IL23R: variants seen among roughly 807,000 people sequenced by gnomAD.
IL23R encodes the protein interleukin 23 receptor.
IL23R carries 34 observed loss-of-function variants against 56.9 expected under a neutral mutation model. The observed-to-expected ratio is 0.60, with a 90% CI of 0.45 to 0.80. The LOEUF (loss-of-function observed/expected upper bound fraction) is 0.80, where lower values mean the gene tolerates loss of function less well. Ranked by LOEUF, IL23R falls within the 30% of genes least tolerant of loss-of-function variation. The probability of loss-of-function intolerance (pLI) is 0.00; values close to 1 mark genes in which losing one functional copy is unlikely to be tolerated. For synonymous variants in IL23R, 230 were observed against 249.2 expected, an observed-to-expected ratio of 0.92 and a Z score of 0.73; for missense variants, 635 against 730.0, an observed-to-expected ratio of 0.87 and a Z score of 1.50.
At chr1:67,200,034 TTTTTTG>T (rs953132792) in intron 4 of IL23R, among the ~76,000 whole-genome samples, 1 of 152,078 alleles carries the variant, frequency 6.6e-6, no homozygotes, top group African/African-American at 2.4e-5. Context: ...TAAATTTTAA[TTTTTTG>T]TTTTTGTTTT....
At chr1:67,219,844 T>C (rs1010906256) in intron 7 of IL23R, 114 bp downstream of exon 7, 1 of 1,008,114 alleles carries the variant, frequency 9.9e-7, no homozygotes, top group Non-Finnish European at 1.6e-6. Flanking sequence ...GGCAGGAAGA[T>C]TGCTTGAGCC....
Position 67,258,582 on chromosome 1 carries a change from A to G in IL23R, c.1344A>G (p.Thr448=). 6.2e-7 allele frequency: 1 copy of G among 1,613,482 alleles called. No homozygotes were observed. Among genetic ancestry groups the G allele is most frequent in the Non-Finnish European group, 8.5e-7 (1 of 1,179,782 alleles). ...TCTTCATCCCAGAACACAAGCCTAC[A>G]GACTACAAGAAGGAGAATACAGGAC... ...KEIFIPEHKP[T]DYKKENTGPL... The change falls in exon 11 of 11, where the codon ACA becomes ACG. Residue 448 remains threonine (T), a synonymous_variant. Transcript: ENST00000347310.
intron 4 of IL23R, among the ~76,000 whole-genome samples, chr1:67,200,401 T>C (rs1648533283): frequency 6.6e-6 from 1 of 151,510 alleles, no homozygotes; most frequent in African/African-American, 2.4e-5. Flanking sequence ...TTTTTTCTTT[T>C]TTTTTTTTTT....
Position 67,200,768 on chromosome 1 carries a change from A to G in IL23R, c.523A>G (p.Thr175Ala). ...GACAGAAGAAGAGCAACAGTATCTC[A>G]CCTCAAGCTATATTAACATCTCCAC... ...LETEEEQQYL[T>A]SSYINISTDS... Residue 175 changes from threonine to alanine, a missense_variant, in exon 5 of 11, where the codon ACC becomes GCC. Transcript: ENST00000347310. 6.2e-7 allele frequency: 1 copy of G among 1,612,788 alleles called. No homozygotes were observed. Among genetic ancestry groups the G allele is most frequent in the Non-Finnish European group, 8.5e-7 (1 of 1,178,992 alleles).
At chr1:67,238,177 A>AT (rs1651605983) in intron 8 of IL23R, among the ~76,000 whole-genome samples, 1 of 151,942 alleles carries the variant, frequency 6.6e-6, no homozygotes. Flanking sequence ...GCAAAACCCC[A>AT]TTTTTACAAA....
chr1:67,222,685 C>T (rs570545121), intron 7 of IL23R, among the ~76,000 whole-genome samples: 9 of 152,156 alleles, frequency 5.9e-5, no homozygotes, highest in Non-Finnish European at 7.4e-5. Flanking sequence ...GTGTAATTAG[C>T]GCTACTTTAC....
intron 1 of IL23R, among the ~76,000 whole-genome samples, chr1:67,139,984 C>A (rs1056078804): frequency 2.6e-5 from 4 of 152,156 alleles, no homozygotes; most frequent in African/African-American, 9.7e-5. Flanking sequence ...CCTAAGCGAG[C>A]AAGCATAACC....
At position 67,236,947 on chromosome 1, in the gene IL23R, G is replaced by A. The variant is rs1651514013; in HGVS notation, c.1045+145G>A. ...CTTCCATAGGAAAATAATAGACAAA[G>A]TACAAAGATCTGCTTAAAACTGAAT... On this transcript the variant is annotated intron_variant, in intron 8 of 10. Transcript: ENST00000347310. 6 of 669,872 alleles carry A rather than the reference G, an allele frequency of 9.0e-6. No homozygotes were observed. In the East Asian group the frequency reaches 1.6e-4, roughly 18 times the overall value. The allele number at this position is 669,872 out of a possible 1,614,324, so 41.5% of individuals were successfully genotyped here. A position where few individuals can be genotyped will look rare whatever the true frequency, so the allele number is the denominator to read the frequency against.
At chr1:67,173,475 G>A (rs1646969582) in intron 3 of IL23R, among the ~76,000 whole-genome samples, 1 of 152,066 alleles carries the variant, frequency 6.6e-6, no homozygotes, top group Non-Finnish European at 1.5e-5. Context: ...TAATCAATGA[G>A]GGACCACAAC....
intron 1 of IL23R, among the ~76,000 whole-genome samples, chr1:67,141,533 G>T (rs1311820906): frequency 5.3e-5 from 8 of 152,094 alleles, no homozygotes; most frequent in African/African-American, 1.9e-4. Flanking sequence ...TGAGGTGGGA[G>T]GATCATTTGA....
At chr1:67,251,119 A>G (rs1176860817) in intron 9 of IL23R, among the ~76,000 whole-genome samples, 3 of 151,992 alleles carry the variant, frequency 2.0e-5, no homozygotes, top group Admixed American at 6.6e-5. Flanking sequence ...GACTGAGAAG[A>G]AAAAACCTTT....
At chr1:67,202,438 A>G (rs1159273669) in intron 5 of IL23R, among the ~76,000 whole-genome samples, 1 of 152,202 alleles carries the variant, frequency 6.6e-6, no homozygotes, top group East Asian at 1.9e-4. Flanking sequence ...GGATTTTGCT[A>G]TGTTGGCCAG....
intron 5 of IL23R, among the ~76,000 whole-genome samples, chr1:67,206,398 A>G (rs902798257): frequency 1.3e-5 from 2 of 148,198 alleles, no homozygotes; most frequent in Non-Finnish European, 3.0e-5. Flanking sequence ...GCAACCTTGA[A>G]CTCCTGGGCT....
At chr1:67,151,745 A>C (rs1646730200) in intron 1 of IL23R, among the ~76,000 whole-genome samples, 1 of 152,214 alleles carries the variant, frequency 6.6e-6, no homozygotes, top group African/African-American at 2.4e-5. Context: ...ACGTTTGTCG[A>C]AGATCAGATG....
chr1:67,156,300 C>T (rs1490235697), intron 1 of IL23R, among the ~76,000 whole-genome samples: 1 of 152,182 alleles, frequency 6.6e-6, no homozygotes, highest in Non-Finnish European at 1.5e-5. Flanking sequence ...GCAGTCTGTC[C>T]CTCAGCAAAG....
intron 1 of IL23R, among the ~76,000 whole-genome samples, chr1:67,158,034 G>A (rs182009188): frequency 3.3e-5 from 5 of 152,218 alleles, no homozygotes; most frequent in Admixed American, 3.3e-4. Flanking sequence ...TGGCCAACAT[G>A]GTGAAACCCC....
At chr1:67,262,464 C>A (rs1323497682), downstream of IL23R, among the ~76,000 whole-genome samples, 4 of 152,122 alleles carry the variant, frequency 2.6e-5, no homozygotes, top group Non-Finnish European at 4.4e-5. Context: ...AGACCACTCC[C>A]AGGAAGTGAT....
intron 5 of IL23R, among the ~76,000 whole-genome samples, chr1:67,204,186 C>T (rs975231524): frequency 6.6e-6 from 1 of 152,170 alleles, no homozygotes; most frequent in African/African-American, 2.4e-5. Context: ...GCCTCAGCCT[C>T]CCGAGTAGCT....
intron 6 of IL23R, among the ~76,000 whole-genome samples, chr1:67,211,245 T>C (rs1200531486): frequency 1.3e-5 from 2 of 152,334 alleles, no homozygotes; most frequent in East Asian, 3.9e-4. Context: ...AGTCCTAGAT[T>C]CTGAATTAAT....
Sources: gnomAD v4.1 joint callset for allele counts (sites outside exome capture counted in the v4.1 genomes callset) on GRCh38, gnomAD v4.1.1 for gene constraint, MANE v1.5 for transcripts, NCBI Gene and HGNC (gene_info 2026-07-23, HGNC 2026-07-21) for gene names.